The following TPRG1 variants were observed in gnomAD, a reference collection of about 807,000 sequenced individuals.
TPRG1 encodes tumor protein p63-regulated gene 1 protein.
In TPRG1, 29 loss-of-function variants were observed where a neutral mutation model predicts 29.3. The observed-to-expected ratio is 0.99, with a 90% CI of 0.74 to 1.35. The LOEUF is 1.35. Among genes scored for constraint, TPRG1 ranks in the 40% most tolerant of loss-of-function variants. The pLI is 0.00. For synonymous variants in TPRG1, 130 were observed against 116.8 expected, an observed-to-expected ratio of 1.11 and a Z score of -0.73; for missense variants, 327 against 335.0, an observed-to-expected ratio of 0.98 and a Z score of 0.19.
chr3:189,003,630 T>C (rs981280250), intron 2 of TPRG1, among the ~76,000 whole-genome samples: 4 of 152,138 alleles, frequency 2.6e-5, no homozygotes, highest in Non-Finnish European at 5.9e-5. Flanking sequence ...TATAATGTAC[T>C]CTCCTGATTC....
intron 1 of TPRG1, among the ~76,000 whole-genome samples, chr3:189,110,815 A>T (rs1193576997): frequency 6.6e-6 from 1 of 151,958 alleles, no homozygotes; most frequent in Non-Finnish European, 1.5e-5. Context: ...TTTGTTGAAA[A>T]GACTACCCTT....
chr3:189,171,732 A>C (rs1728834399), upstream of TPRG1, among the ~76,000 whole-genome samples: 1 of 152,196 alleles, frequency 6.6e-6, no homozygotes, highest in Non-Finnish European at 1.5e-5. Flanking sequence ...TACAGAAGCC[A>C]TGGAGGAATG....
intron 4 of TPRG1, among the ~76,000 whole-genome samples, chr3:189,246,655 G>C (rs1043741935): frequency 6.6e-6 from 1 of 151,770 alleles, no homozygotes; most frequent in African/African-American, 2.4e-5. Flanking sequence ...TTACATTTTA[G>C]CATTTCTTGT....
At chr3:189,124,265 A>T (rs1378743004) in intron 1 of TPRG1, among the ~76,000 whole-genome samples, 2 of 152,078 alleles carry the variant, frequency 1.3e-5, no homozygotes, top group African/African-American at 4.8e-5. Context: ...AGGCAGAGAA[A>T]TTCCTTGTGG....
intron 1 of TPRG1, among the ~76,000 whole-genome samples, chr3:189,174,764 G>A (rs1398554374): frequency 6.6e-6 from 1 of 152,148 alleles, no homozygotes; most frequent in African/African-American, 2.4e-5. Context: ...AAAGTATTAA[G>A]CAAGATGACA....
intron 1 of TPRG1, among the ~76,000 whole-genome samples, chr3:189,124,542 G>GTGTA (rs201650521): frequency 6.1e-4 from 91 of 149,072 alleles, no homozygotes; most frequent in African/African-American, 2.1e-3. Flanking sequence ...AAAGGACTTT[G>GTGTA]TGTGTGTGTG....
chr3:189,039,644 A>G (rs1228808271), intron 4 of TPRG1, among the ~76,000 whole-genome samples: 1 of 152,210 alleles, frequency 6.6e-6, no homozygotes, highest in African/African-American at 2.4e-5. Context: ...AGAGAACATG[A>G]CAGTGAACAT....
At chr3:189,189,341 T>A (rs993064874) in intron 1 of TPRG1, among the ~76,000 whole-genome samples, 6 of 152,164 alleles carry the variant, frequency 3.9e-5, no homozygotes, top group Admixed American at 3.9e-4. Context: ...TTAGTTATAA[T>A]GGTTATATAA....
intron 4 of TPRG1, among the ~76,000 whole-genome samples, chr3:189,050,332 C>G (rs1578244975): frequency 6.6e-6 from 1 of 152,032 alleles, no homozygotes; most frequent in African/African-American, 2.4e-5. Context: ...ACTAGAAAAC[C>G]TAGAAGAGAT....
chr3:189,003,991 G>A (rs975242831), intron 2 of TPRG1, among the ~76,000 whole-genome samples: 8 of 152,130 alleles, frequency 5.3e-5, no homozygotes, highest in East Asian at 3.9e-4. Flanking sequence ...AAATCTGCTC[G>A]CCATTTTGTC....
chr3:189,127,141 C>T (rs1016141069), exon 2 of TPRG1: 2 of 152,144 alleles, frequency 1.3e-5, no homozygotes, highest in Admixed American at 6.5e-5. Flanking sequence ...CTCTTCACTC[C>T]GTAGAGTCCT....
intron 1 of TPRG1, among the ~76,000 whole-genome samples, chr3:189,183,767 TATCC>T (rs1333341272): frequency 6.6e-6 from 1 of 152,032 alleles, no homozygotes; most frequent in Non-Finnish European, 1.5e-5. Flanking sequence ...ACATTGTTGT[TATCC>T]TGTTCTTTTT....
rs140651919 is a variant in TPRG1, at chr3:189,088,167, C to A, written c.-462-38890C>A. 2.6e-3 allele frequency among the ~76,000 whole-genome samples: 389 copies of A among 152,304 alleles called. 2 individuals are homozygous for A. The highest frequency in any genetic ancestry group is 8.3e-3 in the African/African-American group (345 of 41,566). On this transcript the variant is annotated intron_variant, in intron 4 of 10. Coordinates refer to the TPRG1 transcript ENST00000433971. ...ATATTCTTCCATTTGTTTGTTTCCTCTTTTATTTCTTTGAGCAGTGGTTTG... is the reference window on the plus strand; with the variant it reads ...ATATTCTTCCATTTGTTTGTTTCCTATTTTATTTCTTTGAGCAGTGGTTTG...
At chr3:189,161,280 C>G (rs781380443) in intron 5 of TPRG1, among the ~76,000 whole-genome samples, 2 of 152,142 alleles carry the variant, frequency 1.3e-5, no homozygotes, top group Non-Finnish European at 2.9e-5. Context: ...GCTATAGAAG[C>G]AGTACATCAT....
intron 4 of TPRG1, among the ~76,000 whole-genome samples, chr3:189,070,342 A>G (rs1421631302): frequency 1.3e-5 from 2 of 152,136 alleles, no homozygotes; most frequent in African/African-American, 2.4e-5. Flanking sequence ...ACTGTTCAGT[A>G]CCTTGTCTGT....
intron 4 of TPRG1, among the ~76,000 whole-genome samples, chr3:189,049,036 C>A (rs2152138376): frequency 6.6e-6 from 1 of 152,218 alleles, no homozygotes; most frequent in African/African-American, 2.4e-5. Flanking sequence ...CCACAGCGAT[C>A]CACTGGGAGG....
chr3:189,069,894 A>G (rs1716703522), intron 4 of TPRG1, among the ~76,000 whole-genome samples: 1 of 152,136 alleles, frequency 6.6e-6, no homozygotes, highest in Non-Finnish European at 1.5e-5. Context: ...CCTGGCCAAC[A>G]TGGTGAAACC....
At position 189,158,631 on chromosome 3, in the gene TPRG1, GTAAA is replaced by G. The variant is rs771280243; in HGVS notation, c.-10+7773_-10+7776del. On this transcript the variant is annotated intron_variant, in intron 5 of 6. Transcript: ENST00000412373. ...CTCAAAAAATAAAAAAAAATAATAA[GTAAA>G]TAAATAAATAAATTGCAATGGGAAG... Among the ~76,000 whole-genome samples, 8 of 151,836 alleles carry G rather than the reference GTAAA, an allele frequency of 5.3e-5. No individual in the cohort carries two copies. The East Asian group carries it at 7.7e-4, about 15-fold the overall frequency.
chr3:189,249,347 C>G (rs1036542640), intron 4 of TPRG1, among the ~76,000 whole-genome samples: 51 of 151,654 alleles, frequency 3.4e-4, no homozygotes, highest in African/African-American at 1.2e-3. Context: ...AGTTTAATTA[C>G]TTTAATACCT....
Sources: gnomAD v4.1 joint callset for allele counts (sites outside exome capture counted in the v4.1 genomes callset) on GRCh38, gnomAD v4.1.1 for gene constraint, MANE v1.5 for transcripts, NCBI Gene and HGNC (gene_info 2026-07-23, HGNC 2026-07-21) for gene names.